Variants in FOSL2 observed in about 807,000 individuals in gnomAD.
The protein encoded by FOSL2 is FOS like 2, AP-1 transcription factor subunit.
In FOSL2, 3 loss-of-function variants were observed where a neutral mutation model predicts 27.7. That is an observed-to-expected ratio of 0.11 (90% CI 0.05 to 0.28). The LOEUF (loss-of-function observed/expected upper bound fraction) is 0.28. FOSL2 is among the 10% of genes least tolerant of loss of function. FOSL2 has a pLI of 1.00. For synonymous variants in FOSL2, 179 were observed against 190.1 expected (o/e 0.94, Z 0.48); for missense variants, 333 against 445.1 (o/e 0.75, Z 2.27).
intron 1 of FOSL2, among the ~76,000 whole-genome samples, chr2:28,400,213 C>G (rs552730367): frequency 6.6e-6 from 1 of 152,278 alleles, no homozygotes; most frequent in Admixed American, 6.5e-5. Flanking sequence ...TCCTGGCATG[C>G]ATGCAGCAGG....
intron 1 of FOSL2, among the ~76,000 whole-genome samples, chr2:28,402,441 G>A (rs1408107492): frequency 1.3e-5 from 2 of 152,256 alleles, no homozygotes; most frequent in African/African-American, 2.4e-5. Context: ...TCTGTCAGCT[G>A]TAGTGAGGTA....
chr2:28,403,998 C>T (rs1249633065), intron 1 of FOSL2, 109 bp from the exon 2 acceptor site: 2 of 1,348,984 alleles, frequency 1.5e-6, no homozygotes, highest in Non-Finnish European at 2.1e-6. Context: ...CCTTCGAACA[C>T]TGACTGTGCT....
chr2:28,412,295 C>T lies in FOSL2; in HGVS notation c.828C>T (p.Gly276=), dbSNP rs377348231. The change falls in exon 4 of 4, where the codon GGC becomes GGT. Residue 276 remains glycine (G), a synonymous_variant. Coordinates refer to ENST00000264716, the MANE Select transcript of FOSL2 (RefSeq NM_005253.4). This position sits in a 1 kb window ranked among gnomAD's most constrained non-coding sequence, Gnocchi z 7.1. Reference sequence around the variant, plus strand: ...CCTCCACACCTGCTGTCACTCCGGGCACCTCGAACCTCGTCTTCACCTATC... The same window carrying T: ...CCTCCACACCTGCTGTCACTCCGGGTACCTCGAACCTCGTCTTCACCTATC... The part of the protein sequence containing the change: ...VVTSTPAVTP[G]TSNLVFTYPS... 11 of 1,614,134 alleles carry T rather than the reference C, an allele frequency of 6.8e-6. No individual in the cohort carries two copies. Among genetic ancestry groups the T allele is most frequent in the Admixed American group, 1.7e-5 (1 of 60,032 alleles).
At chr2:28,409,232 A>C (rs113771123) in intron 3 of FOSL2, among the ~76,000 whole-genome samples, 1,887 of 152,202 alleles carry the variant, frequency 0.012, 20 homozygotes, top group Middle Eastern at 0.058. Context: ...GACCTGCCCC[A>C]TCCAGGGCTG....
intron 3 of FOSL2, among the ~76,000 whole-genome samples, chr2:28,410,905 T>C (rs1664179281): frequency 6.6e-6 from 1 of 152,074 alleles, no homozygotes; most frequent in South Asian, 2.1e-4. Flanking sequence ...TCCCAGCACT[T>C]TGGGAGGCTG....
At chr2:28,401,158 G>A (rs1663963393) in intron 1 of FOSL2, among the ~76,000 whole-genome samples, 1 of 151,868 alleles carries the variant, frequency 6.6e-6, no homozygotes, top group Non-Finnish European at 1.5e-5. Context: ...AATGATGATG[G>A]TGGTGGTGAT....
In FOSL2 at chr2:28,408,858, C is replaced by T; in HGVS notation, c.454C>T (p.Leu152=). The T allele has an allele frequency of 1.9e-6, 3 of 1,607,888 alleles. No individual in the cohort carries two copies. The highest frequency in any genetic ancestry group is 2.5e-6 in the Non-Finnish European group (3 of 1,176,972). The stretch of plus-strand genomic sequence containing the variant: ...CCGACGCCGGGAGCTGACAGAGAAG[C>T]TGCAGGCGGTGAGGAACTCTGCGTA... The part of the protein sequence containing the change: ...RNRRRELTEK[L]QAETEELEEE... The change falls in exon 3 of 4, where the codon CTG becomes TTG. Residue 152 remains leucine (L), a synonymous_variant. Coordinates refer to ENST00000264716, the MANE Select transcript of FOSL2 (RefSeq NM_005253.4). The surrounding 1 kb of genome is among the most constrained non-coding windows in gnomAD (Gnocchi z 4.1).
chr2:28,398,312 G>A (rs1331912763), intron 1 of FOSL2, among the ~76,000 whole-genome samples: 1 of 152,182 alleles, frequency 6.6e-6, no homozygotes, highest in East Asian at 1.9e-4. Flanking sequence ...TCCACTCCCT[G>A]GGCCAGAGAG....
intron 2 of FOSL2, among the ~76,000 whole-genome samples, chr2:28,406,208 A>G (rs926474200): frequency 1.3e-5 from 2 of 151,916 alleles, no homozygotes; most frequent in Admixed American, 6.6e-5. Context: ...ACAGGCATGC[A>G]CCACCATGCC....
At chr2:28,409,872 C>T (rs1331416882) in intron 3 of FOSL2, among the ~76,000 whole-genome samples, 1 of 152,210 alleles carries the variant, frequency 6.6e-6, no homozygotes, top group Non-Finnish European at 1.5e-5. Flanking sequence ...TCCCAACTAG[C>T]GGGGATTACA....
chr2:28,407,571 G>A (rs945733929), intron 2 of FOSL2, among the ~76,000 whole-genome samples: 8 of 152,230 alleles, frequency 5.3e-5, no homozygotes, highest in Non-Finnish European at 1.2e-4. Context: ...CCTCCTTGGG[G>A]TAGCTTCTCC....
At chr2:28,402,531 C>T (rs886764154) in intron 1 of FOSL2, among the ~76,000 whole-genome samples, 1 of 152,234 alleles carries the variant, frequency 6.6e-6, no homozygotes, top group Non-Finnish European at 1.5e-5. Context: ...TCCATTGCTG[C>T]GAATGCTTCT....
rs374794917 is a variant in FOSL2, at chr2:28,408,599, C to A, written c.355-160C>A. 5.3e-5 allele frequency among the ~76,000 whole-genome samples: 8 copies of A among 152,256 alleles called. No homozygotes were observed. Among genetic ancestry groups the A allele is most frequent in the African/African-American group, 1.9e-4 (8 of 41,470 alleles). On this transcript the variant is annotated intron_variant, in intron 2 of 3. Coordinates refer to ENST00000264716, the MANE Select transcript of FOSL2 (RefSeq NM_005253.4). The surrounding 1 kb of genome is among the most constrained non-coding windows in gnomAD (Gnocchi z 4.1). ...CAGGCAGCCAGACATCAGGGATCCA[C>A]ATGTTCTGGGGCCTCTGAGTCCAGC...
intron 1 of FOSL2, among the ~76,000 whole-genome samples, chr2:28,401,543 G>A (rs529588974): frequency 3.9e-5 from 6 of 152,168 alleles, no homozygotes; most frequent in African/African-American, 1.4e-4. Context: ...TCCTGACCCC[G>A]AGTGCAGTGT....
At chr2:28,400,984 A>G (rs1258201160) in intron 1 of FOSL2, among the ~76,000 whole-genome samples, 1 of 152,148 alleles carries the variant, frequency 6.6e-6, no homozygotes, top group African/African-American at 2.4e-5. Context: ...TTCCCCATGG[A>G]GGAGGGAGTC....
rs1664302396 is a variant in FOSL2 at position 28,415,893 on chromosome 2, A to G, written c.*3445A>G. 1.3e-5 allele frequency: 2 copies of G among 152,146 alleles called. No individual in the cohort carries two copies. Among genetic ancestry groups the G allele is most frequent in the South Asian group, 4.1e-4 (2 of 4,822 alleles). The allele number at this position is 152,146 out of a possible 1,614,324, so 9.4% of individuals were successfully genotyped here. A position where few individuals can be genotyped will look rare whatever the true frequency, so the allele number is the denominator to read the frequency against. The stretch of plus-strand genomic sequence containing the variant: ...GTTTGTTCTCAAGGACTTATCCCCT[A>G]CAATATTCTCCCACTCCATACTTCT... On this transcript the variant is annotated 3_prime_UTR_variant, in exon 4 of 4. Coordinates refer to ENST00000264716, the MANE Select transcript of FOSL2 (RefSeq NM_005253.4).
Position 28,408,667 on chromosome 2 carries a change from A to G in FOSL2, c.355-92A>G. 1.2e-6 allele frequency: 1 copy of G among 859,290 alleles called. No homozygotes were observed. The highest frequency in any genetic ancestry group is 2.4e-4 in the Middle Eastern group (1 of 4,248). 53.2% of individuals were successfully genotyped at this position (859,290 alleles called of 1,614,324 possible). On this transcript the variant is annotated intron_variant, in intron 2 of 3. Coordinates refer to ENST00000264716, the MANE Select transcript of FOSL2 (RefSeq NM_005253.4). This position sits in a 1 kb window ranked among gnomAD's most constrained non-coding sequence, Gnocchi z 4.1. Reference sequence around the variant, plus strand: ...TCCTTCTCCTTTCTCCATTTCCAGAAGGGCTTCTTGCCTTACTTAAAATAC... The same window carrying G: ...TCCTTCTCCTTTCTCCATTTCCAGAGGGGCTTCTTGCCTTACTTAAAATAC...
Position 28,412,645 on chromosome 2 carries a change from G to A in FOSL2, c.*197G>A. On this transcript the variant is annotated 3_prime_UTR_variant, in exon 4 of 4. Transcript: ENST00000264716. The surrounding 1 kb of genome is among the most constrained non-coding windows in gnomAD (Gnocchi z 7.1). ...TTGGGTTGATCTCTTAGAAGCCATG[G>A]GACCTCCTCCCTCATTCATCTTGCA... 1.8e-6 allele frequency: 1 copy of A among 566,796 alleles called. No individual in the cohort carries two copies. The highest frequency in any genetic ancestry group is 3.1e-6 in the Non-Finnish European group (1 of 322,604). 35.1% of individuals were successfully genotyped at this position (566,796 alleles called of 1,614,324 possible).
intron 1 of FOSL2, chr2:28,396,811 C>CACACACACACACACACACACACAA (rs1663850530): frequency 2.0e-5 from 3 of 150,922 alleles, no homozygotes; most frequent in Admixed American, 6.6e-5. Flanking sequence ...CACACACACA[C>CACACACACACACACACACACACAA]ACACACACAC....
Sources: allele counts gnomAD v4.1 joint callset (sites outside exome capture counted in the v4.1 genomes callset), GRCh38; gene constraint gnomAD v4.1.1; non-coding constraint Gnocchi (gnomAD v3.1); transcripts MANE v1.5; gene names NCBI Gene and HGNC (gene_info 2026-07-23, HGNC 2026-07-21).